The following ADRA2C variants were observed in gnomAD, a reference collection of about 807,000 sequenced individuals.
The protein encoded by ADRA2C is alpha-2C adrenergic receptor.
ADRA2C carries 4 observed loss-of-function variants against 7.9 expected under a neutral mutation model. The ratio of observed to expected loss-of-function variants is 0.51; its 90% confidence interval spans 0.25 to 1.16. The LOEUF is 1.16. Among genes scored for constraint, ADRA2C ranks in the 50% most tolerant of loss-of-function variants. The pLI is 0.15. For synonymous variants in ADRA2C, 368 were observed against 328.9 expected (o/e 1.12, Z -1.29); for missense variants, 589 against 677.7 (o/e 0.87, Z 1.45).
chr4:3,767,372 G>T lies in ADRA2C; in HGVS notation c.766G>T (p.Ala256Ser). The T allele has an allele frequency of 6.5e-7, 1 of 1,540,794 alleles. No homozygotes were observed. ...EKRAPVGPDG[A>S]SPTTENGLGA... is the part of the protein sequence containing the mutation. ...GCGCGCCCCCGTGGGCCCCGACGGT[G>T]CGTCCCCGACTACCGAAAACGGGCT... The change falls in exon 1 of 1, where the codon GCG becomes TCG. Residue 256 changes from alanine (A) to serine (S), a missense_variant. Ala to Ser is a moderately conservative substitution (Grantham distance 99). Transcript: ENST00000330055.
At position 3,767,083 on chromosome 4, in the gene ADRA2C, C is replaced by T. The variant is rs956938706; in HGVS notation, c.477C>T (p.Tyr159=). 3.7e-6 allele frequency: 6 copies of T among 1,610,196 alleles called. No homozygotes were observed. In the African/African-American group the frequency reaches 8.0e-5, roughly 21 times the overall value. ...GGTCGGTGACGCAGGCCGTCGAGTA[C>T]AACCTGAAGCGCACACCACGCCGCG... ...RYWSVTQAVE[Y]NLKRTPRRVK... The change falls in exon 1 of 1, where the codon TAC becomes TAT. Residue 159 remains tyrosine (Y), a synonymous_variant. Coordinates refer to ENST00000330055, the MANE Select transcript of ADRA2C (RefSeq NM_000683.4).
In ADRA2C at chr4:3,768,102, A is replaced by T; in HGVS notation, c.*107A>T. On this transcript the variant is annotated 3_prime_UTR_variant, in exon 1 of 1. Coordinates refer to ENST00000330055, the MANE Select transcript of ADRA2C (RefSeq NM_000683.4). ...GAGACCCGGGGATGGATTGGCCTCC[A>T]GGGCGCAGGGGAGGGTGCGGCAGGG... 1 of 148,762 alleles carries T rather than the reference A, an allele frequency of 6.7e-6. No individual in the cohort carries two copies. The highest frequency in any genetic ancestry group is 1.4e-4 in the African/African-American group (1 of 7,224). 9.2% of individuals were successfully genotyped at this position (148,762 alleles called of 1,614,324 possible).
chr4:3,767,333 A>T lies in ADRA2C; in HGVS notation c.727A>T (p.Thr243Ser), dbSNP rs1464836643. The change falls in exon 1 of 1, where the codon ACG (threonine) becomes TCG (serine). Residue 243 changes from threonine to serine, a missense_variant. Physicochemically the swap from Thr to Ser is moderately conservative, Grantham distance 58. Coordinates refer to ENST00000330055, the MANE Select transcript of ADRA2C (RefSeq NM_000683.4). ...CCGAGTGGCCAAGCTGCGCACGCGC[A>T]CGCTCAGCGAGAAGCGCGCCCCCGT... is the stretch of plus-strand genomic sequence containing the variant. ...IYRVAKLRTR[T>S]LSEKRAPVGP... 6.4e-7 allele frequency: 1 copy of T among 1,567,296 alleles called. No individual in the cohort carries two copies. The highest frequency in any genetic ancestry group is 1.2e-5 in the South Asian group (1 of 85,414).
rs754361095 is a variant in ADRA2C at position 3,768,044 on chromosome 4, A to G, written c.*49A>G. The G allele has an allele frequency of 3.4e-5, 15 of 440,652 alleles. No homozygotes were observed. The highest frequency in any genetic ancestry group is 4.7e-5 in the Non-Finnish European group (14 of 296,772). 27.3% of individuals were successfully genotyped at this position (440,652 alleles called of 1,614,324 possible). On this transcript the variant is annotated 3_prime_UTR_variant, in exon 1 of 1. Transcript: ENST00000330055. ...GACAGCTCCGCGCTCGGGGCTGGGC[A>G]GAAGGGGCGGCCCGGACGGGGGAGC...
Position 3,768,150 on chromosome 4 carries a change from C to G in ADRA2C, c.*155C>G. 1.3e-6 allele frequency: 1 copy of G among 772,822 alleles called. No homozygotes were observed. The highest frequency in any genetic ancestry group is 2.7e-5 in the East Asian group (1 of 37,486). The allele number at this position is 772,822 out of a possible 1,614,324, so 47.9% of individuals were successfully genotyped here. A position where few individuals can be genotyped will look rare whatever the true frequency, so the allele number is the denominator to read the frequency against. On this transcript the variant is annotated 3_prime_UTR_variant, in exon 1 of 1. Transcript: ENST00000330055. The stretch of plus-strand genomic sequence containing the variant: ...GGGCAGGAGCTTGGCAGAGAGATAG[C>G]CGGGCTCCAGGGAGTGGGGAGGAGA...
rs1735429608 is a variant in ADRA2C at position 3,766,534 on chromosome 4, C to G, written c.-73C>G. 4.8e-6 allele frequency: 5 copies of G among 1,032,518 alleles called. No homozygotes were observed. The South Asian group carries it at 2.3e-4, about 47-fold the overall frequency. The allele number at this position is 1,032,518 out of a possible 1,614,324, so 64.0% of individuals were successfully genotyped here. A position where few individuals can be genotyped will look rare whatever the true frequency, so the allele number is the denominator to read the frequency against. On this transcript the variant is annotated 5_prime_UTR_variant, in exon 1 of 1. Coordinates refer to ENST00000330055, the MANE Select transcript of ADRA2C (RefSeq NM_000683.4). This position sits in a 1 kb window ranked among gnomAD's most constrained non-coding sequence, Gnocchi z 4.5. ...CAGGCGGCGATGCGGGCGCCGACCC[C>G]GGCTGGGGGGCGCCCGAGCTGCCGC...
rs1553876139 is a variant in ADRA2C, at chr4:3,768,062, G to GGGGGAGCTTTCCCAGAGACTC, written c.*86_*87insTCGGGGAGCTTTCCCAGAGAC. ...GCTGGGCAGAAGGGGCGGCCCGGAC[G>GGGGGAGCTTTCCCAGAGACTC]GGGGAGCTTTCCCAGAGACCCGGGG... On this transcript the variant is annotated 3_prime_UTR_variant, in exon 1 of 1. Transcript: ENST00000330055. The GGGGGAGCTTTCCCAGAGACTC allele has an allele frequency of 1.7e-5, 20 of 1,157,882 alleles. No homozygotes were observed. Among genetic ancestry groups the GGGGGAGCTTTCCCAGAGACTC allele is most frequent in the Non-Finnish European group, 2.0e-5 (18 of 879,374 alleles). The allele number at this position is 1,157,882 out of a possible 1,614,324, so 71.7% of individuals were successfully genotyped here. A position where few individuals can be genotyped will look rare whatever the true frequency, so the allele number is the denominator to read the frequency against.
Position 3,766,506 on chromosome 4 carries a change from C to T in ADRA2C, c.-101C>T. The T allele has an allele frequency of 1.2e-6, 1 of 864,900 alleles. No individual in the cohort carries two copies. The highest frequency in any genetic ancestry group is 1.4e-6 in the Non-Finnish European group (1 of 720,188). The allele number at this position is 864,900 out of a possible 1,614,324, so 53.6% of individuals were successfully genotyped here. A position where few individuals can be genotyped will look rare whatever the true frequency, so the allele number is the denominator to read the frequency against. On this transcript the variant is annotated 5_prime_UTR_variant, in exon 1 of 1. Coordinates refer to ENST00000330055, the MANE Select transcript of ADRA2C (RefSeq NM_000683.4). This position sits in a 1 kb window ranked among gnomAD's most constrained non-coding sequence, Gnocchi z 4.5. ...GCGGTCCCCGGCGGGCGCGCCCGAG[C>T]AGCAGGCGGCGATGCGGGCGCCGAC...
In ADRA2C at chr4:3,767,005, G is replaced by T; in HGVS notation, c.399G>T (p.Leu133=). The T allele has an allele frequency of 6.2e-7, 1 of 1,611,492 alleles. No homozygotes were observed. The highest frequency in any genetic ancestry group is 8.5e-7 in the Non-Finnish European group (1 of 1,179,890). Reference sequence around the variant, plus strand: ...GCGTGTACCTGGCGCTCGATGTGCTGTTTTGCACCTCGTCGATCGTGCATC... The same window carrying T: ...GCGTGTACCTGGCGCTCGATGTGCTTTTTTGCACCTCGTCGATCGTGCATC... ...WCGVYLALDV[L]FCTSSIVHLC... The change falls in exon 1 of 1, where the codon CTG becomes CTT. Residue 133 remains leucine (L), a synonymous_variant. Transcript: ENST00000330055.
chr4:3,768,210 A>G lies in ADRA2C; in HGVS notation c.*215A>G, dbSNP rs1735504092. 3 of 722,472 alleles carry G rather than the reference A, an allele frequency of 4.2e-6. No homozygotes were observed. The highest frequency in any genetic ancestry group is 7.7e-6 in the Non-Finnish European group (3 of 390,486). 44.8% of individuals were successfully genotyped at this position (722,472 alleles called of 1,614,324 possible). ...ACCCCTTTGCCTTCCCCCCTCAGCA[A>G]GGGGCTGCTTCTGGGGCTCCCTGCC... On this transcript the variant is annotated 3_prime_UTR_variant, in exon 1 of 1. Transcript: ENST00000330055.
In ADRA2C at chr4:3,766,735, C is replaced by T; in HGVS notation, c.129C>T (p.Arg43=). 6.8e-7 allele frequency: 1 copy of T among 1,480,748 alleles called. No individual in the cohort carries two copies. The allele number at this position is 1,480,748 out of a possible 1,614,324, so 91.7% of individuals were successfully genotyped here. A position where few individuals can be genotyped will look rare whatever the true frequency, so the allele number is the denominator to read the frequency against. Residue 43 remains arginine, a synonymous_variant, in exon 1 of 1, where the codon CGC becomes CGT. Transcript: ENST00000330055. This position sits in a 1 kb window ranked among gnomAD's most constrained non-coding sequence, Gnocchi z 4.5. ...NASGASWGPP[R]GQYSAGAVAG... is the part of the protein sequence containing the mutation. ...CGGGGGCTTCCTGGGGGCCGCCGCG[C>T]GGCCAGTACTCGGCGGGCGCGGTGG...
chr4:3,767,725 C>A lies in ADRA2C; in HGVS notation c.1119C>A (p.Ala373=). ...ARSSVCRRKV[A]QAREKRFTFV... ...GCAGCGTGTGCCGCCGCAAGGTGGC[C>A]CAGGCGCGCGAGAAGCGCTTCACCT... Residue 373 remains alanine, a synonymous_variant, in exon 1 of 1, where the codon GCC becomes GCA. Coordinates refer to ENST00000330055, the MANE Select transcript of ADRA2C (RefSeq NM_000683.4). The A allele has an allele frequency of 6.2e-7, 1 of 1,611,906 alleles. No homozygotes were observed. Among genetic ancestry groups the A allele is most frequent in the East Asian group, 2.2e-5 (1 of 44,758 alleles).
rs1735448043 is a variant in ADRA2C at position 3,766,645 on chromosome 4, G to T, written c.39G>T (p.Ala13=). The change falls in exon 1 of 1, where the codon GCG becomes GCT. Residue 13 remains alanine, a synonymous_variant. Transcript: ENST00000330055. This position sits in a 1 kb window ranked among gnomAD's most constrained non-coding sequence, Gnocchi z 4.5. ...CGCTGGCGGCGGCGCTGGCGGTGGC[G>T]GCAGCGGCGGGCCCCAATGCGAGCG... ...SPALAAALAV[A]AAAGPNASGA... 2.4e-6 allele frequency: 3 copies of T among 1,226,006 alleles called. No homozygotes were observed. The highest frequency in any genetic ancestry group is 3.0e-6 in the Non-Finnish European group (3 of 986,008). The allele number at this position is 1,226,006 out of a possible 1,614,324, so 75.9% of individuals were successfully genotyped here.
At position 3,767,331 on chromosome 4, in the gene ADRA2C, G is replaced by C; in HGVS notation, c.725G>C (p.Arg242Pro). ...TACCGAGTGGCCAAGCTGCGCACGC[G>C]CACGCTCAGCGAGAAGCGCGCCCCC... ...RIYRVAKLRT[R>P]TLSEKRAPVG... Residue 242 changes from arginine (R) to proline (P), a missense_variant, in exon 1 of 1, where the codon CGC (arginine) becomes CCC (proline). Physicochemically the swap from Arg to Pro is moderately radical, Grantham distance 103 (BLOSUM62 -2). Transcript: ENST00000330055. 6.4e-7 allele frequency: 1 copy of C among 1,568,808 alleles called. No homozygotes were observed. Among genetic ancestry groups the C allele is most frequent in the South Asian group, 1.2e-5 (1 of 85,522 alleles).
In ADRA2C at chr4:3,767,858, C is replaced by G. The variant is rs1735491772; in HGVS notation, c.1252C>G (p.Leu418Val). The G allele has an allele frequency of 6.2e-7, 1 of 1,613,114 alleles. No individual in the cohort carries two copies. Among genetic ancestry groups the G allele is most frequent in the South Asian group, 1.1e-5 (1 of 91,084 alleles). ...CREACQVPGP[L>V]FKFFFWIGYC... ...CGAGGCCTGCCAGGTGCCCGGCCCG[C>G]TCTTCAAGTTCTTCTTCTGGATCGG... The change falls in exon 1 of 1, where the codon CTC becomes GTC. Residue 418 changes from leucine (L) to valine (V), a missense_variant. Physicochemically the swap from Leu to Val is conservative, Grantham distance 32 (BLOSUM62 1). Transcript: ENST00000330055.
At position 3,767,503 on chromosome 4, in the gene ADRA2C, C is replaced by T. The variant is rs1735476607; in HGVS notation, c.897C>T (p.Gly299=). Residue 299 remains glycine, a synonymous_variant, in exon 1 of 1, where the codon GGC becomes GGT. Coordinates refer to ENST00000330055, the MANE Select transcript of ADRA2C (RefSeq NM_000683.4). ...CGGCCGAGAGGCGGCGGCGCCGGGG[C>T]GCGTTGCGGCGGGGCGGGCGGCGGC... ...SAAAERRRRR[G]ALRRGGRRRA... 4 of 1,107,162 alleles carry T rather than the reference C, an allele frequency of 3.6e-6. No individual in the cohort carries two copies. The highest frequency in any genetic ancestry group is 5.1e-5 in the East Asian group (1 of 19,730). The allele number at this position is 1,107,162 out of a possible 1,614,324, so 68.6% of individuals were successfully genotyped here.
Position 3,766,496 on chromosome 4 carries a change from C to A in ADRA2C, c.-111C>A. The A allele has an allele frequency of 6.5e-5, 52 of 797,682 alleles. No homozygotes were observed. Among genetic ancestry groups the A allele is most frequent in the Non-Finnish European group, 7.7e-5 (51 of 660,348 alleles). 49.4% of individuals were successfully genotyped at this position (797,682 alleles called of 1,614,324 possible). On this transcript the variant is annotated 5_prime_UTR_variant, in exon 1 of 1. Transcript: ENST00000330055. This position sits in a 1 kb window ranked among gnomAD's most constrained non-coding sequence, Gnocchi z 4.5. The stretch of plus-strand genomic sequence containing the variant: ...GCTGGGCGCCGCGGTCCCCGGCGGG[C>A]GCGCCCGAGCAGCAGGCGGCGATGC...
chr4:3,768,089 T>TCTCCCAGAGACCC lies in ADRA2C; in HGVS notation c.*94_*95insCTCCCAGAGACCC. ...GGGAGCTTTCCCAGAGACCCGGGGA[T>TCTCCCAGAGACCC]GGATTGGCCTCCAGGGCGCAGGGGA... On this transcript the variant is annotated 3_prime_UTR_variant, in exon 1 of 1. Transcript: ENST00000330055. The TCTCCCAGAGACCC allele has an allele frequency of 2.1e-4, 25 of 117,638 alleles. No individual in the cohort carries two copies. The highest frequency in any genetic ancestry group is 9.5e-4 in the African/African-American group (4 of 4,210). 7.3% of individuals were successfully genotyped at this position (117,638 alleles called of 1,614,324 possible). A position where few individuals can be genotyped will look rare whatever the true frequency, so the allele number is the denominator to read the frequency against.
In ADRA2C at chr4:3,766,803, T is replaced by C; in HGVS notation, c.197T>C (p.Val66Ala). ...GTGGGCTTCCTCATCGTCTTCACCG[T>C]GGTGGGCAACGTGCTGGTGGTGATC... ...AVVGFLIVFT[V>A]VGNVLVVIAV... Residue 66 changes from valine to alanine, a missense_variant, in exon 1 of 1, where the codon GTG becomes GCG. Coordinates refer to ENST00000330055, the MANE Select transcript of ADRA2C (RefSeq NM_000683.4). The surrounding 1 kb of genome is among the most constrained non-coding windows in gnomAD (Gnocchi z 4.5). 1.3e-6 allele frequency: 2 copies of C among 1,570,132 alleles called. No homozygotes were observed. Among genetic ancestry groups the C allele is most frequent in the Non-Finnish European group, 1.7e-6 (2 of 1,158,702 alleles).
Sources: gnomAD v4.1 joint callset for allele counts on GRCh38, gnomAD v4.1.1 for gene constraint, Gnocchi (gnomAD v3.1) non-coding constraint, MANE v1.5 for transcripts, NCBI Gene and HGNC (gene_info 2026-07-23, HGNC 2026-07-21) for gene names.